The following SYNE2 variants were observed in gnomAD, a reference collection of about 807,000 sequenced individuals.
The protein encoded by SYNE2 is nesprin-2.
In SYNE2, 431 loss-of-function variants were observed where a neutral mutation model predicts 856.3. The ratio of observed to expected loss-of-function variants is 0.50; its 90% CI spans 0.47 to 0.55. The LOEUF (loss-of-function observed/expected upper bound fraction) is 0.55. Ranked by LOEUF, SYNE2 falls within the 20% of genes least tolerant of loss-of-function variation. SYNE2 has a pLI of 0.00. For synonymous variants in SYNE2, 2,923 were observed against 2,872.3 expected (o/e 1.02, Z -0.56); for missense variants, 8,129 against 8,023.2 (o/e 1.01, Z -0.50).
intron 48 of SYNE2, among the ~76,000 whole-genome samples, chr14:64,054,219 C>T (rs41319545): frequency 0.02 from 3,085 of 152,238 alleles, 103 homozygotes; most frequent in African/African-American, 0.07. Flanking sequence ...CTGTTTTCCT[C>T]GTAGTCTCTG....
At chr14:64,138,804 GT>G (rs2098116177) in intron 79 of SYNE2, among the ~76,000 whole-genome samples, 1 of 152,018 alleles carries the variant, frequency 6.6e-6, no homozygotes, top group South Asian at 2.1e-4. Flanking sequence ...CAGTTTAAAA[GT>G]TACAAGAAGG....
intron 12 of SYNE2, 42 bp downstream of exon 12, chr14:63,976,769 T>A: frequency 6.3e-7 from 1 of 1,584,792 alleles, no homozygotes. Context: ...ATACATATTT[T>A]GTTAGGGATT....
intron 113 of SYNE2, among the ~76,000 whole-genome samples, 171 bp from the exon 114 acceptor site, chr14:64,224,290 G>A (rs972250844): frequency 1.3e-5 from 2 of 151,894 alleles, no homozygotes; most frequent in Admixed American, 6.6e-5. Flanking sequence ...GGTTGAGGCT[G>A]CAGTGACCTG....
At chr14:64,011,862 C>G (rs1268699107) in intron 32 of SYNE2, among the ~76,000 whole-genome samples, 1 of 152,184 alleles carries the variant, frequency 6.6e-6, no homozygotes, top group Non-Finnish European at 1.5e-5. Context: ...GACTCCATTC[C>G]TGGGTGAGTC....
chr14:63,786,645 G>A (rs150460235), intron 1 of SYNE2, among the ~76,000 whole-genome samples: 7 of 152,276 alleles, frequency 4.6e-5, no homozygotes, highest in East Asian at 1.9e-4. Context: ...CATTAAGTAC[G>A]TAATTATGAT....
At chr14:63,842,604 G>T (rs1207146011) in intron 1 of SYNE2, among the ~76,000 whole-genome samples, 1 of 151,806 alleles carries the variant, frequency 6.6e-6, no homozygotes, top group African/African-American at 2.4e-5. Context: ...GGGATTACAG[G>T]CACTTGACCA....
At chr14:63,952,931 A>G (rs2096185782) in intron 7 of SYNE2, among the ~76,000 whole-genome samples, 1 of 152,210 alleles carries the variant, frequency 6.6e-6, no homozygotes, top group South Asian at 2.1e-4. Flanking sequence ...GTTCTAGAAT[A>G]TATCCCAAGT....
chr14:63,874,981 G>T (rs1429351013), intron 1 of SYNE2, among the ~76,000 whole-genome samples: 1 of 151,992 alleles, frequency 6.6e-6, no homozygotes, highest in Non-Finnish European at 1.5e-5. Flanking sequence ...TCTCAGAGAT[G>T]GTGTCATCTA....
chr14:64,147,594 C>T (rs1009267696), intron 84 of SYNE2, among the ~76,000 whole-genome samples: 4 of 152,174 alleles, frequency 2.6e-5, no homozygotes, highest in Non-Finnish European at 5.9e-5. Context: ...ACCTCACTAC[C>T]AAGCTGTAAA....
At chr14:64,104,899 T>G (rs970153939) in intron 64 of SYNE2, among the ~76,000 whole-genome samples, 2 of 152,226 alleles carry the variant, frequency 1.3e-5, no homozygotes, top group African/African-American at 4.8e-5. Flanking sequence ...TAGACTTTTT[T>G]GGGATGGAGT....
intron 1 of SYNE2, among the ~76,000 whole-genome samples, chr14:63,867,646 C>T (rs943261319): frequency 3.3e-5 from 5 of 151,820 alleles, no homozygotes; most frequent in African/African-American, 4.8e-5. Context: ...TGCAGTAAGC[C>T]GAGGTCACAC....
At chr14:63,924,183 C>T (rs1189921038) in intron 2 of SYNE2, among the ~76,000 whole-genome samples, 1 of 152,138 alleles carries the variant, frequency 6.6e-6, no homozygotes, top group African/African-American at 2.4e-5. Context: ...GAAGAATTTA[C>T]TTCTAGATTT....
chr14:63,932,306 C>T (rs926253401), intron 2 of SYNE2, among the ~76,000 whole-genome samples: 12 of 152,068 alleles, frequency 7.9e-5, no homozygotes, highest in East Asian at 5.8e-4. Context: ...CACTTAAACC[C>T]GGAAGGCGGA....
In SYNE2 at chr14:63,931,525, G is replaced by A. The variant is rs149312403; in HGVS notation, c.80-9089G>A. Among the ~76,000 whole-genome samples, 1,011 of 150,270 alleles carry A rather than the reference G, an allele frequency of 6.7e-3. 16 individuals are homozygous for A. The highest frequency in any genetic ancestry group is 0.024 in the African/African-American group (964 of 40,632). ...AAATCATACCATTACACTCCAGCCTGGGCTACAAAGCGAGACTCTGTCTCA... is the reference window on the plus strand; with the variant it reads ...AAATCATACCATTACACTCCAGCCTAGGCTACAAAGCGAGACTCTGTCTCA... On this transcript the variant is annotated intron_variant, in intron 2 of 115. Transcript: ENST00000555002.
rs757289089 is a variant in SYNE2 at position 64,003,269 on chromosome 14, G to A, written c.4336G>A (p.Val1446Met). Residue 1446 changes from valine (V) to methionine (M), a missense_variant, in exon 30 of 116, where the codon GTG becomes ATG. This residue lies in a region of SYNE2 where 2,422 missense variants were observed against 2,357.4 expected (regional missense o/e 1.03). Coordinates refer to ENST00000555002, the MANE Select transcript of SYNE2 (RefSeq NM_182914.3). ...NNELLKNIQD[V>M]QSQISKIGLK... is the part of the protein sequence containing the mutation. ...TGAACTCCTTAAAAATATTCAAGAT[G>A]TGCAGAGTCAAATCAGTAAAATTGG... 9.3e-6 allele frequency: 15 copies of A among 1,613,916 alleles called. No homozygotes were observed. The highest frequency in any genetic ancestry group is 1.6e-4 in the Middle Eastern group (1 of 6,084).
chr14:64,225,712 G>GGAGC lies in SYNE2; in HGVS notation c.*187_*190dup. On this transcript the variant is annotated 3_prime_UTR_variant, in exon 116 of 116. Coordinates refer to ENST00000555002, the MANE Select transcript of SYNE2 (RefSeq NM_182914.3). ...AGCTTTCAGATTGTGTTCCTCCCCA[G>GGAGC]GAGCAGGGAACCTGTGTGGCAGGTG... The GGAGC allele has an allele frequency of 1.5e-6, 1 of 679,734 alleles. No homozygotes were observed. The highest frequency in any genetic ancestry group is 1.7e-5 in the South Asian group (1 of 59,124). The allele number at this position is 679,734 out of a possible 1,614,324, so 42.1% of individuals were successfully genotyped here.
chr14:63,913,732 G>A (rs539879082), intron 2 of SYNE2, among the ~76,000 whole-genome samples: 59 of 146,606 alleles, frequency 4.0e-4, no homozygotes, highest in Non-Finnish European at 6.8e-4. Context: ...AAAGTGCTGG[G>A]ATTATAGGCG....
At chr14:63,967,125 A>G (rs1314986278) in intron 10 of SYNE2, among the ~76,000 whole-genome samples, 2 of 152,056 alleles carry the variant, frequency 1.3e-5, no homozygotes, top group Non-Finnish European at 2.9e-5. Context: ...CTGCCTCCCA[A>G]AGTGCTGGGA....
At chr14:64,192,502 AAG>A (rs2098523117) in intron 99 of SYNE2, among the ~76,000 whole-genome samples, 1 of 152,216 alleles carries the variant, frequency 6.6e-6, no homozygotes, top group South Asian at 2.1e-4. Flanking sequence ...TTTGGTGGGA[AAG>A]AGATAAAACA....
Sources: allele counts gnomAD v4.1 joint callset (sites outside exome capture counted in the v4.1 genomes callset), GRCh38; gene constraint gnomAD v4.1.1; regional missense constraint gnomAD v4.1.1; transcripts MANE v1.5; gene names NCBI Gene and HGNC (gene_info 2026-07-23, HGNC 2026-07-21).